Variants in CCSER1 observed in about 807,000 individuals in gnomAD.
The protein encoded by CCSER1 is serine-rich coiled-coil domain-containing protein 1.
Under a neutral mutation model 82.0 loss-of-function variants are expected in CCSER1, and 41 were observed. The ratio of observed to expected loss-of-function variants is 0.50; its 90% CI spans 0.39 to 0.65. CCSER1 has a LOEUF of 0.65. Ranked by LOEUF, CCSER1 falls within the 30% of genes least tolerant of loss-of-function variation. The probability of loss-of-function intolerance (pLI) is 0.00; values close to 1 mark genes in which losing one functional copy is unlikely to be tolerated. For missense variants in CCSER1, 1,119 were observed against 1,064.2 expected, an observed-to-expected ratio of 1.05 and a Z score of -0.72; for synonymous variants, 414 against 383.9, an observed-to-expected ratio of 1.08 and a Z score of -0.92.
Position 90,308,304 on chromosome 4 carries a change from G to A in CCSER1, c.20G>A (p.Arg7Lys), listed in dbSNP as rs199614921. ...TTCCCAATGGGGGACTCAGGATCAA[G>A]ACGATCTACCCTGGTCTCCCGGTTG... is the stretch of plus-strand genomic sequence containing the variant. Reference protein sequence around the residue: MGDSGSRRSTLVSRLPI... With the variant: MGDSGSKRSTLVSRLPI... The change falls in exon 2 of 11, where the codon AGA becomes AAA. Residue 7 changes from arginine to lysine, a missense_variant. Physicochemically the swap from Arg to Lys is conservative, Grantham distance 26 (BLOSUM62 2). Transcript: ENST00000509176. The A allele has an allele frequency of 1.4e-3, 2,223 of 1,587,816 alleles. 13 individuals carry two copies. Among genetic ancestry groups the A allele is most frequent in the Middle Eastern group, 9.5e-3 (56 of 5,884 alleles).
chr4:90,565,455 C>T (rs1330583498), intron 5 of CCSER1, among the ~76,000 whole-genome samples: 1 of 152,090 alleles, frequency 6.6e-6, no homozygotes, highest in Non-Finnish European at 1.5e-5. Flanking sequence ...ATGTTTTCTG[C>T]ACACAGAGAG....
intron 10 of CCSER1, among the ~76,000 whole-genome samples, chr4:91,116,346 G>C (rs1210088739): frequency 1.6e-4 from 24 of 152,156 alleles, no homozygotes; most frequent in Admixed American, 1.4e-3. Context: ...GGAACTCACA[G>C]TGTGCCGCTT....
At chr4:91,126,920 A>G (rs1727572326) in intron 10 of CCSER1, among the ~76,000 whole-genome samples, 1 of 151,964 alleles carries the variant, frequency 6.6e-6, no homozygotes. Flanking sequence ...AGTGGACAGG[A>G]TTGGTTTTTC....
At chr4:90,469,671 G>T (rs763658469) in intron 5 of CCSER1, among the ~76,000 whole-genome samples, 2 of 151,802 alleles carry the variant, frequency 1.3e-5, no homozygotes, top group African/African-American at 2.4e-5. Context: ...TAAAGTTCTA[G>T]TTATGTTGAC....
intron 5 of CCSER1, among the ~76,000 whole-genome samples, chr4:90,606,548 A>G (rs899535718): frequency 6.6e-6 from 1 of 152,132 alleles, no homozygotes; most frequent in African/African-American, 2.4e-5. Context: ...TTGACGTGAT[A>G]TAGAGTTCAT....
chr4:90,328,386 C>G (rs1738616387), intron 3 of CCSER1, among the ~76,000 whole-genome samples: 1 of 151,788 alleles, frequency 6.6e-6, no homozygotes, highest in Admixed American at 6.6e-5. Context: ...TTTTATACAA[C>G]TATATTTCAG....
At chr4:90,155,531 G>C (rs1381893462) in intron 1 of CCSER1, among the ~76,000 whole-genome samples, 10 of 151,916 alleles carry the variant, frequency 6.6e-5, no homozygotes, top group African/African-American at 9.7e-5. Flanking sequence ...GGTTGGTAAG[G>C]TATTGATTAT....
chr4:91,196,178 C>CAAAAAAAAAA (rs61336014), intron 10 of CCSER1, among the ~76,000 whole-genome samples: 2 of 60,830 alleles, frequency 3.3e-5, no homozygotes, highest in African/African-American at 8.5e-5. Context: ...AACAGCGAGA[C>CAAAAAAAAAA]AAAAAAAAAA....
At chr4:90,212,820 C>A (rs1256262713) in intron 1 of CCSER1, among the ~76,000 whole-genome samples, 2 of 152,162 alleles carry the variant, frequency 1.3e-5, no homozygotes, top group Non-Finnish European at 2.9e-5. Context: ...GAGCAGAGAT[C>A]TTTGGGTGGC....
At chr4:91,549,745 G>A (rs1762071075) in intron 10 of CCSER1, among the ~76,000 whole-genome samples, 1 of 152,150 alleles carries the variant, frequency 6.6e-6, no homozygotes, top group Non-Finnish European at 1.5e-5. Context: ...TGAGGCAGAA[G>A]GATCGCTTGA....
intron 5 of CCSER1, among the ~76,000 whole-genome samples, chr4:90,540,809 A>G (rs952771630): frequency 2.0e-5 from 3 of 152,060 alleles, no homozygotes; most frequent in South Asian, 2.1e-4. Flanking sequence ...TTTAGTTTCC[A>G]TATATGTAAA....
At chr4:91,424,632 G>A (rs1030597134) in intron 10 of CCSER1, among the ~76,000 whole-genome samples, 4 of 152,108 alleles carry the variant, frequency 2.6e-5, no homozygotes, top group African/African-American at 9.7e-5. Flanking sequence ...TGTATTATAT[G>A]AGTTTCTATA....
intron 10 of CCSER1, among the ~76,000 whole-genome samples, chr4:91,588,003 A>G (rs73836284): frequency 0.099 from 14,938 of 151,552 alleles, 747 homozygotes; most frequent in Middle Eastern, 0.16. Context: ...AAATGAAAAT[A>G]ATTGACAATA....
At chr4:90,968,653 C>A (rs12233905) in intron 9 of CCSER1, among the ~76,000 whole-genome samples, 1 of 151,806 alleles carries the variant, frequency 6.6e-6, no homozygotes, top group Non-Finnish European at 1.5e-5. Flanking sequence ...TGGGAGACCC[C>A]AAGAATCCAT....
At chr4:90,980,590 G>T (rs1736022372) in intron 9 of CCSER1, among the ~76,000 whole-genome samples, 1 of 151,818 alleles carries the variant, frequency 6.6e-6, no homozygotes, top group Admixed American at 6.6e-5. Context: ...GCAGTATTGG[G>T]TTGTTGTAAT....
intron 9 of CCSER1, among the ~76,000 whole-genome samples, chr4:91,003,946 C>T (rs1417229364): frequency 6.6e-6 from 1 of 152,170 alleles, no homozygotes; most frequent in Non-Finnish European, 1.5e-5. Context: ...TAATTTGTTT[C>T]AGCTCTAGGG....
At chr4:91,043,414 T>C (rs1447606604) in intron 9 of CCSER1, among the ~76,000 whole-genome samples, 2 of 152,026 alleles carry the variant, frequency 1.3e-5, no homozygotes, top group South Asian at 4.1e-4. Flanking sequence ...GGTCCATTTC[T>C]TATCCCTAGA....
chr4:91,188,697 A>C (rs759748257), intron 10 of CCSER1, among the ~76,000 whole-genome samples: 4 of 152,246 alleles, frequency 2.6e-5, no homozygotes, highest in Non-Finnish European at 4.4e-5. Flanking sequence ...TTCTGGAAAT[A>C]CTCTAAAAAT....
chr4:90,682,686 T>G (rs536263022), intron 6 of CCSER1, among the ~76,000 whole-genome samples: 6 of 152,172 alleles, frequency 3.9e-5, no homozygotes, highest in Admixed American at 3.3e-4. Context: ...AAGAAGTGCT[T>G]CTTGTTGTGC....
Sources: allele counts gnomAD v4.1 joint callset (sites outside exome capture counted in the v4.1 genomes callset), GRCh38; gene constraint gnomAD v4.1.1; transcripts MANE v1.5; gene names NCBI Gene and HGNC (gene_info 2026-07-23, HGNC 2026-07-21).